The following C21orf58 variants were observed in gnomAD, a reference collection of about 807,000 sequenced individuals.
C21orf58 encodes the protein uncharacterized protein C21orf58.
A neutral mutation model predicts 35.8 loss-of-function variants in C21orf58; 34 were observed. The observed-to-expected ratio is 0.95, with a 90% CI of 0.72 to 1.26. C21orf58 has a LOEUF of 1.26. Ranked by LOEUF, C21orf58 falls within the 50% of genes most tolerant of loss-of-function variation. C21orf58 has a pLI of 0.00. For synonymous variants in C21orf58, 191 were observed against 175.8 expected, an observed-to-expected ratio of 1.09 and a Z score of -0.68; for missense variants, 440 against 414.3, an observed-to-expected ratio of 1.06 and a Z score of -0.54.
At chr21:46,317,713 G>T (rs1445414314) in intron 2 of C21orf58, among the ~76,000 whole-genome samples, 1 of 152,200 alleles carries the variant, frequency 6.6e-6, no homozygotes, top group Non-Finnish European at 1.5e-5. Context: ...TGGGCAGCAG[G>T]TCCCTCAGGC....
Position 46,323,268 on chromosome 21 carries a change from C to G in C21orf58, c.-530G>C, listed in dbSNP as rs965317840. ...ACACCCAAACCTTCCGTGGTTTCCA[C>G]CTCTGCAAGCTTATGTTCCGCTGAG... On this transcript the variant is annotated 5_prime_UTR_variant, in exon 1 of 8. Transcript: ENST00000291691. 15 of 152,356 alleles carry G rather than the reference C, an allele frequency of 9.8e-5. No homozygotes were observed. Among genetic ancestry groups the G allele is most frequent in the African/African-American group, 3.6e-4 (15 of 41,470 alleles). 9.4% of individuals were successfully genotyped at this position (152,356 alleles called of 1,614,324 possible).
intron 4 of C21orf58, chr21:46,315,107 G>A (rs1219884812): frequency 2.3e-6 from 3 of 1,288,640 alleles, no homozygotes; most frequent in African/African-American, 1.5e-5. Flanking sequence ...TCCAGCCCCA[G>A]GGTCTGTTCT....
intron 7 of C21orf58, 113 bp from the exon 8 acceptor site, chr21:46,302,267 C>A (rs1230598822): frequency 3.5e-6 from 5 of 1,424,546 alleles, no homozygotes; most frequent in Non-Finnish European, 4.6e-6. Flanking sequence ...ATGGCAGGGT[C>A]TAAGCATCCT....
chr21:46,303,679 C>G (rs2082227447), intron 6 of C21orf58, among the ~76,000 whole-genome samples: 1 of 14,096 alleles, frequency 7.1e-5, no homozygotes, highest in Non-Finnish European at 1.2e-4. Flanking sequence ...CTCATCTCTA[C>G]ACACACACAC....
At position 46,301,930 on chromosome 21, in the gene C21orf58, CCA is replaced by C. The variant is rs1188141861; in HGVS notation, c.*67_*68del. ...CTCCCTGCTCCCTTCCATAGTCCCGCCACAGCCCACAGCCCTGAGGAAGCCTG... is the reference window on the plus strand; with the variant it reads ...CTCCCTGCTCCCTTCCATAGTCCCGCCAGCCCACAGCCCTGAGGAAGCCTG... On this transcript the variant is annotated 3_prime_UTR_variant, in exon 8 of 8. Transcript: ENST00000291691. 1.4e-6 allele frequency: 2 copies of C among 1,404,844 alleles called. No homozygotes were observed. The highest frequency in any genetic ancestry group is 5.6e-5 in the East Asian group (2 of 36,028). 87.0% of individuals were successfully genotyped at this position (1,404,844 alleles called of 1,614,324 possible).
chr21:46,320,581 T>C (rs994404156), intron 1 of C21orf58: 13 of 144,368 alleles, frequency 9.0e-5, no homozygotes, highest in Admixed American at 2.8e-4. Flanking sequence ...CATCAGTAGA[T>C]ACTGCACCCA....
intron 1 of C21orf58, 82 bp downstream of exon 1, chr21:46,322,557 T>C (rs1430961214): frequency 4.4e-6 from 6 of 1,353,488 alleles, no homozygotes; most frequent in African/African-American, 1.5e-5. Flanking sequence ...GCCCCTGCTC[T>C]AATGAGCCCA....
Position 46,317,255 on chromosome 21 carries a change from T to C in C21orf58, c.323A>G (p.Glu108Gly). 6.2e-7 allele frequency: 1 copy of C among 1,611,986 alleles called. No individual in the cohort carries two copies. The change falls in exon 3 of 8, where the codon GAA (glutamate) becomes GGA (glycine). Residue 108 changes from glutamate (E) to glycine (G), a missense_variant. By Grantham distance (98) the Glu-to-Gly change is moderately conservative (BLOSUM62 -2). Transcript: ENST00000291691. ...AGGTCCCCCTTCCACGTTCTGCCGT[T>C]CTTGCTCCAGCTTCTGTGAGGAAGA... ...LKLLGQKLEQERQNVEGGPEG... is the reference protein window; with the variant it reads ...LKLLGQKLEQGRQNVEGGPEG...
chr21:46,304,311 T>C (rs1164636944), intron 6 of C21orf58, among the ~76,000 whole-genome samples: 1 of 151,790 alleles, frequency 6.6e-6, no homozygotes, highest in East Asian at 1.9e-4. Flanking sequence ...ATTACAGGCG[T>C]GAGCCACTGC....
At chr21:46,310,341 T>C (rs1295590788) in intron 6 of C21orf58, among the ~76,000 whole-genome samples, 1 of 151,454 alleles carries the variant, frequency 6.6e-6, no homozygotes, top group African/African-American at 2.4e-5. Context: ...TAGCTGGGCA[T>C]GGTGGTGGGC....
At chr21:46,308,244 C>T (rs145277575) in intron 6 of C21orf58, among the ~76,000 whole-genome samples, 8,533 of 152,086 alleles carry the variant, frequency 0.056, 306 homozygotes, top group Non-Finnish European at 0.081. Context: ...GGGCAGATCA[C>T]GAGGTCAGGA....
chr21:46,309,742 A>G (rs531117875), intron 6 of C21orf58, among the ~76,000 whole-genome samples: 2 of 152,314 alleles, frequency 1.3e-5, no homozygotes, highest in African/African-American at 4.8e-5. Context: ...CACGCCTATA[A>G]TCCCAGCACT....
At position 46,302,476 on chromosome 21, in the gene C21orf58, T is replaced by A; in HGVS notation, c.813+9A>T. On this transcript the variant is annotated intron_variant, in intron 7 of 7. Transcript: ENST00000291691. ...CTTGGCCTAGGGTTCTGCTGGGGGC[T>A]AAGCCTACCTGCAGGGCTGGGGGCA... is the stretch of plus-strand genomic sequence containing the variant. 6.3e-7 allele frequency: 1 copy of A among 1,595,636 alleles called. No individual in the cohort carries two copies. Among genetic ancestry groups the A allele is most frequent in the African/African-American group, 1.3e-5 (1 of 74,588 alleles).
chr21:46,322,287 TA>T, intron 1 of C21orf58: 1 of 237,158 alleles, frequency 4.2e-6, no homozygotes, highest in Non-Finnish European at 6.8e-6. Context: ...ACCCTGCCTA[TA>T]AAAAAGAAAA....
rs2083048182 is a variant in C21orf58, at chr21:46,318,217, C to A, written c.104G>T (p.Trp35Leu). 1.9e-6 allele frequency: 3 copies of A among 1,612,082 alleles called. No individual in the cohort carries two copies. Among genetic ancestry groups the A allele is most frequent in the African/African-American group, 1.3e-5 (1 of 75,030 alleles). Residue 35 changes from tryptophan (W) to leucine (L), a missense_variant, in exon 2 of 8, where the codon TGG (tryptophan) becomes TTG (leucine). Transcript: ENST00000291691. Reference protein sequence around the residue: ...PDSGHSLLCGWSPGGKARPAG... With the variant: ...PDSGHSLLCGLSPGGKARPAG... ...AGGGCGGGCCTTACCTCCTGGAGAC[C>A]AGCCTGAGGGAAGAGAAGAGCCCTG...
chr21:46,306,382 C>A (rs2082419434), intron 6 of C21orf58, among the ~76,000 whole-genome samples: 1 of 151,984 alleles, frequency 6.6e-6, no homozygotes, highest in Non-Finnish European at 1.5e-5. Flanking sequence ...GCCTGTAGTC[C>A]CAGCTACTTG....
chr21:46,320,084 C>G lies in C21orf58; in HGVS notation c.101-1864G>C, dbSNP rs554905221. ...GCACCCTTGATATAAGTGACCTCAT[C>G]TGAGAAAAGGACTCCATCTTATGTA... On this transcript the variant is annotated intron_variant, in intron 1 of 7. Transcript: ENST00000291691. Among the ~76,000 whole-genome samples, 244 of 152,046 alleles carry G rather than the reference C, an allele frequency of 1.6e-3. 1 individual carries two copies. The highest frequency in any genetic ancestry group is 2.6e-3 in the Non-Finnish European group (179 of 67,986).
Position 46,318,217 on chromosome 21 carries a change from CA to C in C21orf58, c.103del (p.Trp35GlyfsTer59). The part of the protein sequence containing the change: ...PDSGHSLLCG[W>X]SPGGKARPAG... The stretch of plus-strand genomic sequence containing the variant: ...AGGGCGGGCCTTACCTCCTGGAGAC[CA>C]GCCTGAGGGAAGAGAAGAGCCCTGT... On this transcript the variant is annotated frameshift_variant and splice_region_variant, in exon 2 of 8. Transcript: ENST00000291691. LOFTEE classifies it high-confidence loss of function. The C allele has an allele frequency of 6.2e-7, 1 of 1,612,082 alleles. No individual in the cohort carries two copies. Among genetic ancestry groups the C allele is most frequent in the South Asian group, 1.1e-5 (1 of 91,058 alleles).
chr21:46,306,468 C>T (rs1036229024), intron 6 of C21orf58, among the ~76,000 whole-genome samples: 1 of 152,112 alleles, frequency 6.6e-6, no homozygotes, highest in African/African-American at 2.4e-5. Flanking sequence ...CACTGCACTC[C>T]AGCCTGGCAA....
Sources: gnomAD v4.1 joint callset for allele counts (sites outside exome capture counted in the v4.1 genomes callset) on GRCh38, gnomAD v4.1.1 for gene constraint, MANE v1.5 for transcripts, NCBI Gene and HGNC (gene_info 2026-07-23, HGNC 2026-07-21) for gene names.